The following NIPBL variants were observed in gnomAD, a reference collection of about 807,000 sequenced individuals.
The protein encoded by NIPBL is nipped-B-like protein.
A neutral mutation model predicts 321.8 loss-of-function variants in NIPBL; 19 were observed. That is an observed-to-expected ratio of 0.06 (90% CI 0.04 to 0.09). The LOEUF is 0.09. Among genes scored for constraint, NIPBL ranks in the 10% least tolerant of loss-of-function variants. The probability of loss-of-function intolerance (pLI) is 1.00; values close to 1 mark genes in which losing one functional copy is unlikely to be tolerated. For missense variants in NIPBL, 2,210 were observed against 3,327.0 expected (o/e 0.66, Z 8.26); for synonymous variants, 1,106 against 1,114.1 (o/e 0.99, Z 0.14).
intron 18 of NIPBL, among the ~76,000 whole-genome samples, 176 bp from the exon 19 acceptor site, chr5:37,007,832 G>A (rs1002603204): frequency 2.6e-5 from 4 of 152,002 alleles, no homozygotes; most frequent in African/African-American, 9.7e-5. Flanking sequence ...ATATGCTAAC[G>A]TGCTTTGAGG....
intron 1 of NIPBL, among the ~76,000 whole-genome samples, chr5:36,939,473 A>G (rs527300978): frequency 3.1e-4 from 47 of 152,296 alleles, no homozygotes; most frequent in African/African-American, 1.1e-3. Flanking sequence ...GTTTTTACCA[A>G]TAGTTTTTCC....
intron 1 of NIPBL, among the ~76,000 whole-genome samples, chr5:36,881,072 AT>A (rs953179790): frequency 1.3e-5 from 2 of 151,840 alleles, no homozygotes; most frequent in Non-Finnish European, 2.9e-5. Flanking sequence ...TTCAAAGTGC[AT>A]TTTTCTTGTC....
intron 1 of NIPBL, among the ~76,000 whole-genome samples, chr5:36,926,969 T>C (rs141396427): frequency 6.6e-6 from 1 of 152,318 alleles, no homozygotes; most frequent in East Asian, 1.9e-4. Flanking sequence ...GGAGTCAATT[T>C]TTCCTGAAGC....
chr5:36,961,252 A>T (rs1024374806), intron 4 of NIPBL, among the ~76,000 whole-genome samples: 21 of 152,180 alleles, frequency 1.4e-4, no homozygotes, highest in Admixed American at 2.0e-4. Context: ...AAATTTTTTT[A>T]AAATATTATA....
At chr5:37,052,895 A>G (rs910207607) in intron 42 of NIPBL, among the ~76,000 whole-genome samples, 2 of 152,184 alleles carry the variant, frequency 1.3e-5, no homozygotes, top group African/African-American at 4.8e-5. Flanking sequence ...AAATATTGTT[A>G]GAGAATAACT....
At chr5:36,946,839 G>C (rs1739741258) in intron 1 of NIPBL, among the ~76,000 whole-genome samples, 1 of 152,038 alleles carries the variant, frequency 6.6e-6, no homozygotes, top group Non-Finnish European at 1.5e-5. Flanking sequence ...AGACACTTAT[G>C]TTCTTTGAAG....
At chr5:36,939,953 G>C (rs911930452) in intron 1 of NIPBL, among the ~76,000 whole-genome samples, 1 of 152,128 alleles carries the variant, frequency 6.6e-6, no homozygotes, top group African/African-American at 2.4e-5. Context: ...TGGGGGACAC[G>C]GTCAAACCAT....
At chr5:36,946,834 C>T (rs976856263) in intron 1 of NIPBL, among the ~76,000 whole-genome samples, 2 of 152,072 alleles carry the variant, frequency 1.3e-5, no homozygotes, top group African/African-American at 4.8e-5. Context: ...TGAACAGACA[C>T]TTATGTTCTT....
chr5:37,003,094 T>G (rs1747009469), intron 15 of NIPBL, among the ~76,000 whole-genome samples, 167 bp from the exon 16 acceptor site: 1 of 152,038 alleles, frequency 6.6e-6, no homozygotes, highest in Non-Finnish European at 1.5e-5. Context: ...GCTTTAGTCA[T>G]TTAGGGTCGT....
intron 32 of NIPBL, among the ~76,000 whole-genome samples, chr5:37,032,245 T>G (rs1244441547): frequency 6.6e-6 from 1 of 152,110 alleles, no homozygotes; most frequent in Non-Finnish European, 1.5e-5. Flanking sequence ...AAATGTACAC[T>G]AAAAATTTGT....
chr5:36,922,340 G>T (rs1402415891), intron 1 of NIPBL, among the ~76,000 whole-genome samples: 2 of 151,718 alleles, frequency 1.3e-5, no homozygotes, highest in Admixed American at 6.6e-5. Flanking sequence ...AAACCTATTA[G>T]TTTGATTTTT....
intron 34 of NIPBL, among the ~76,000 whole-genome samples, chr5:37,042,925 A>G (rs868160791): frequency 1.3e-5 from 2 of 151,864 alleles, no homozygotes; most frequent in African/African-American, 4.8e-5. Context: ...ACACACACAT[A>G]TAACTTTGAT....
At chr5:37,051,701 T>C (rs1345793487) in intron 40 of NIPBL, 78 bp from the exon 41 acceptor site, 5 of 900,078 alleles carry the variant, frequency 5.6e-6, no homozygotes, top group East Asian at 5.0e-5. Flanking sequence ...ATCTCAGATA[T>C]ATGAAAAGTT....
intron 1 of NIPBL, among the ~76,000 whole-genome samples, chr5:36,920,929 G>A (rs1748889548): frequency 6.6e-6 from 1 of 150,794 alleles, no homozygotes; most frequent in Non-Finnish European, 1.5e-5. Flanking sequence ...CTCTGCTTTG[G>A]CTGCTGTAAT....
chr5:36,876,820 C>T lies in NIPBL; in HGVS notation c.-438C>T. 2.6e-6 allele frequency: 1 copy of T among 386,274 alleles called. No homozygotes were observed. Among genetic ancestry groups the T allele is most frequent in the Non-Finnish European group, 4.6e-6 (1 of 218,484 alleles). The allele number at this position is 386,274 out of a possible 1,614,324, so 23.9% of individuals were successfully genotyped here. On this transcript the variant is annotated 5_prime_UTR_variant, in exon 1 of 47. Transcript: ENST00000282516. ...ACGAGAGAGAGACACACACAGGGCT[C>T]CTTCCCCCCGCCCTCCCCCCCCTCC... is the stretch of plus-strand genomic sequence containing the variant.
chr5:36,888,417 C>T (rs1041978653), intron 1 of NIPBL, among the ~76,000 whole-genome samples: 2 of 151,980 alleles, frequency 1.3e-5, no homozygotes, highest in African/African-American at 2.4e-5. Context: ...GTTGTATATT[C>T]ATTTCAATAC....
At chr5:37,025,127 C>G (rs770961578) in intron 30 of NIPBL, among the ~76,000 whole-genome samples, 5 of 152,062 alleles carry the variant, frequency 3.3e-5, no homozygotes, top group Non-Finnish European at 7.4e-5. Flanking sequence ...GTAGAGCATG[C>G]CTATAGTTCC....
At chr5:36,969,807 C>T (rs2149618101) in intron 6 of NIPBL, among the ~76,000 whole-genome samples, 1 of 152,170 alleles carries the variant, frequency 6.6e-6, no homozygotes, top group South Asian at 2.1e-4. Flanking sequence ...AAATTATTGG[C>T]AAGGATATAG....
Position 36,962,192 on chromosome 5 carries a change from T to C in NIPBL, c.528T>C (p.Ser176=), listed in dbSNP as rs750337367. The C allele has an allele frequency of 1.2e-6, 2 of 1,613,986 alleles. No individual in the cohort carries two copies. Among genetic ancestry groups the C allele is most frequent in the Non-Finnish European group, 1.7e-6 (2 of 1,179,994 alleles). The change falls in exon 6 of 47, where the codon AGT becomes AGC. Residue 176 remains serine (S), a synonymous_variant. Transcript: ENST00000282516. ...CACAGCAAAATAGCCCAGTGCCTAG[T>C]CCATACGCCCCACAAAGCCCTGCAG... ...FMPQQNSPVP[S]PYAPQSPAGY...
Sources: allele counts gnomAD v4.1 joint callset (sites outside exome capture counted in the v4.1 genomes callset), GRCh38; gene constraint gnomAD v4.1.1; transcripts MANE v1.5; gene names NCBI Gene and HGNC (gene_info 2026-07-23, HGNC 2026-07-21).